The following SLC19A1 variants were observed in gnomAD, a reference collection of about 807,000 sequenced individuals.
The protein encoded by SLC19A1 is solute carrier family 19 member 1.
A neutral mutation model predicts 35.3 loss-of-function variants in SLC19A1; 37 were observed. The observed-to-expected ratio is 1.05, with a 90% CI of 0.81 to 1.38. The LOEUF (loss-of-function observed/expected upper bound fraction) is 1.38, where lower values mean the gene tolerates loss of function less well. SLC19A1 is among the 40% of genes most tolerant of loss of function. The pLI is 0.00. For missense variants in SLC19A1, 831 were observed against 826.9 expected, an observed-to-expected ratio of 1.00 and a Z score of -0.06; for synonymous variants, 460 against 398.5, an observed-to-expected ratio of 1.15 and a Z score of -1.84.
rs1409678424 is a variant in SLC19A1 at position 45,504,443 on chromosome 21, G to A, written c.498-5831C>T. The A allele has an allele frequency of 2.5e-6, 4 of 1,611,660 alleles. No individual in the cohort carries two copies. The highest frequency in any genetic ancestry group is 1.3e-5 in the African/African-American group (1 of 74,908). On this transcript the variant is annotated intron_variant, in intron 3 of 4. Coordinates refer to the SLC19A1 transcript ENST00000417954. ...GGAGAAGGGAGACCGAGGTGATGCAGGACAGAAAGGCGAAAGGGGGGAGCC... is the reference window on the plus strand; with the variant it reads ...GGAGAAGGGAGACCGAGGTGATGCAAGACAGAAAGGCGAAAGGGGGGAGCC...
chr21:45,503,678 C>G (rs1010318632), intron 3 of SLC19A1, among the ~76,000 whole-genome samples: 2 of 150,686 alleles, frequency 1.3e-5, no homozygotes, highest in Non-Finnish European at 3.0e-5. Flanking sequence ...GGAGATATAC[C>G]TAATGCTAGA....
At chr21:45,531,072 C>T (rs1348014643) in intron 3 of SLC19A1, 101 bp from the exon 4 acceptor site, 1 of 5,344 alleles carries the variant, frequency 1.9e-4, no homozygotes. Context: ...GGGCAGGGGG[C>T]GGGGACGGGG....
At position 45,515,787 on chromosome 21, in the gene SLC19A1, G is replaced by A. The variant is rs775778123; in HGVS notation, c.1647C>T (p.Cys549=). ...PVTTPSPCTL[C]SAQASGPEAA... is the part of the protein sequence containing the mutation. ...CCTCAGGGCCTGAGGCTTGGGCGGA[G>A]CACAGAGTGCAGGGGGAAGGGGTTG... is the stretch of plus-strand genomic sequence containing the variant. Residue 549 remains cysteine (C), a synonymous_variant, in exon 6 of 6, where the codon TGC becomes TGT. Transcript: ENST00000311124. 6.8e-6 allele frequency: 11 copies of A among 1,613,510 alleles called. No individual in the cohort carries two copies. In the African/African-American group the frequency reaches 1.1e-4, roughly 16 times the overall value.
downstream of SLC19A1, chr21:45,509,674 C>G: frequency 1.2e-6 from 1 of 856,202 alleles, no homozygotes; most frequent in Non-Finnish European, 1.9e-6. Flanking sequence ...GGGCCCAGCC[C>G]CTGCAGAGCT....
In SLC19A1 at chr21:45,512,568, AT is replaced by A. The variant is rs891739520; in HGVS notation, c.*3089del. On this transcript the variant is annotated 3_prime_UTR_variant, in exon 6 of 6. Transcript: ENST00000311124. ...GAAATAAAAGGAAGCCAAAGAGTGT[AT>A]TTTTTTAAAAGTTTAAAACAGAAGC... The A allele has an allele frequency of 4.4e-6, 3 of 679,674 alleles. No homozygotes were observed. The highest frequency in any genetic ancestry group is 1.9e-5 in the South Asian group (1 of 53,678). 42.1% of individuals were successfully genotyped at this position (679,674 alleles called of 1,614,324 possible).
upstream of SLC19A1, among the ~76,000 whole-genome samples, chr21:45,548,010 A>G (rs2078431128): frequency 6.6e-6 from 1 of 152,254 alleles, no homozygotes; most frequent in African/African-American, 2.4e-5. Context: ...ATGGAAATGC[A>G]AAAGACTTAC....
chr21:45,508,660 G>C (rs1490644917), downstream of SLC19A1, among the ~76,000 whole-genome samples: 2 of 152,198 alleles, frequency 1.3e-5, no homozygotes, highest in Non-Finnish European at 2.9e-5. Flanking sequence ...CAGTGTCAGG[G>C]GCTCCACAGC....
At position 45,515,176 on chromosome 21, in the gene SLC19A1, A is replaced by AT. The variant is rs1568966041; in HGVS notation, c.*481_*482insA. On this transcript the variant is annotated 3_prime_UTR_variant, in exon 6 of 6. Transcript: ENST00000311124. ...TTCTACGTCAGTTAAAAAAAAAAAA[A>AT]GCATCTTTCAAAAAAGCAAGAGCAC... 1.4e-6 allele frequency: 2 copies of AT among 1,459,716 alleles called. No individual in the cohort carries two copies. The highest frequency in any genetic ancestry group is 1.8e-6 in the Non-Finnish European group (2 of 1,092,576). 90.4% of individuals were successfully genotyped at this position (1,459,716 alleles called of 1,614,324 possible). A position where few individuals can be genotyped will look rare whatever the true frequency, so the allele number is the denominator to read the frequency against.
chr21:45,513,886 GT>G lies in SLC19A1; in HGVS notation c.*1771del, dbSNP rs2037752593. The G allele has an allele frequency of 6.6e-6, 1 of 152,300 alleles. No individual in the cohort carries two copies. The highest frequency in any genetic ancestry group is 2.4e-5 in the African/African-American group (1 of 41,458). 9.4% of individuals were successfully genotyped at this position (152,300 alleles called of 1,614,324 possible). On this transcript the variant is annotated 3_prime_UTR_variant, in exon 6 of 6. Transcript: ENST00000311124. ...ATGCATGGCCATACACAGGCGTGCA[GT>G]TGTACACAGGTGTGCAGGAGCATCC...
rs550584051 is a variant in SLC19A1 at position 45,521,533 on chromosome 21, G to A, written c.1293+4284C>T. On this transcript the variant is annotated intron_variant, in intron 5 of 5. Coordinates refer to ENST00000311124, the MANE Select transcript of SLC19A1 (RefSeq NM_194255.4). ...GACAAGATTACTCTAAAATGTATACGGAAAGGCAAAGAAACTATAATAGTC... is the reference window on the plus strand; with the variant it reads ...GACAAGATTACTCTAAAATGTATACAGAAAGGCAAAGAAACTATAATAGTC... Among the ~76,000 whole-genome samples the A allele has an allele frequency of 7.2e-5, 11 of 152,230 alleles. No homozygotes were observed. In the East Asian group the frequency reaches 1.2e-3, roughly 16 times the overall value.
downstream of SLC19A1, chr21:45,509,477 GC>G: frequency 5.2e-6 from 8 of 1,525,742 alleles, no homozygotes; most frequent in African/African-American, 1.4e-5. Context: ...ATCCTGGCCA[GC>G]CCCCCTCGCC....
At chr21:45,518,442 A>T (rs1402629512) in intron 5 of SLC19A1, among the ~76,000 whole-genome samples, 2 of 152,202 alleles carry the variant, frequency 1.3e-5, no homozygotes, top group Admixed American at 6.5e-5. Context: ...TTCAAAAAGC[A>T]TTTCAGGAAA....
downstream of SLC19A1, chr21:45,507,705 A>G (rs1602633871): frequency 6.9e-6 from 7 of 1,019,426 alleles, no homozygotes; most frequent in East Asian, 1.8e-4. Flanking sequence ...GGAGCTGAAC[A>G]TGTGGCTCAC....
At position 45,531,540 on chromosome 21, in the gene SLC19A1, C is replaced by T. The variant is rs773458721; in HGVS notation, c.798G>A (p.Gln266=). ...CCCACCAGAGGGACCACAGGCGCAG[C>T]TGCGGCCGCCGCAGGCTGTCCCCCA... ...RELGDSLRRP[Q]LRLWSLWWVF... Residue 266 remains glutamine, a synonymous_variant, in exon 3 of 6, where the codon CAG becomes CAA. Coordinates refer to ENST00000311124, the MANE Select transcript of SLC19A1 (RefSeq NM_194255.4). 1 of 1,612,190 alleles carries T rather than the reference C, an allele frequency of 6.2e-7. No homozygotes were observed. The highest frequency in any genetic ancestry group is 8.5e-7 in the Non-Finnish European group (1 of 1,179,574).
downstream of SLC19A1, chr21:45,510,245 C>T: frequency 6.2e-7 from 1 of 1,605,440 alleles, no homozygotes; most frequent in Non-Finnish European, 8.5e-7. Context: ...GCAGCCGTGC[C>T]CATCGTCAAC....
chr21:45,524,726 CG>C (rs2077547258), intron 5 of SLC19A1, among the ~76,000 whole-genome samples: 1 of 68,358 alleles, frequency 1.5e-5, no homozygotes, highest in South Asian at 6.6e-4. Flanking sequence ...CCCTGGGCCT[CG>C]GAGACTCACC....
At chr21:45,559,087 A>G (rs969743767) in intron 1 of SLC19A1, among the ~76,000 whole-genome samples, 2 of 152,202 alleles carry the variant, frequency 1.3e-5, no homozygotes, top group Admixed American at 6.5e-5. Flanking sequence ...GATTACAGGC[A>G]TGAGCCACCG....
downstream of SLC19A1, among the ~76,000 whole-genome samples, chr21:45,508,538 ATGGG>A (rs1319207073): frequency 1.3e-5 from 2 of 150,680 alleles, no homozygotes; most frequent in Non-Finnish European, 2.9e-5. Context: ...GGGTGGATGG[ATGGG>A]TAGAAATATT....
At chr21:45,522,663 A>G (rs766964230) in intron 5 of SLC19A1, among the ~76,000 whole-genome samples, 1 of 152,268 alleles carries the variant, frequency 6.6e-6, no homozygotes, top group Non-Finnish European at 1.5e-5. Context: ...AGAAGGAATC[A>G]GCCACAGCCA....
Sources: gnomAD v4.1 joint callset for allele counts (sites outside exome capture counted in the v4.1 genomes callset) on GRCh38, gnomAD v4.1.1 for gene constraint, MANE v1.5 for transcripts, NCBI Gene and HGNC (gene_info 2026-07-23, HGNC 2026-07-21) for gene names.